SYMPK: variants seen among roughly 807,000 people sequenced by gnomAD.
SYMPK encodes the protein symplekin.
Under a neutral mutation model 136.4 loss-of-function variants are expected in SYMPK, and 49 were observed. That is an observed-to-expected ratio of 0.36 (90% confidence interval 0.29 to 0.46). SYMPK has a LOEUF of 0.46. Ranked by LOEUF, SYMPK falls within the 20% of genes least tolerant of loss-of-function variation. The pLI, the probability that SYMPK is intolerant of heterozygous loss-of-function variation, is 1.00. For missense variants in SYMPK, 1,365 were observed against 1,690.0 expected, an observed-to-expected ratio of 0.81 and a Z score of 3.37; for synonymous variants, 766 against 713.0, an observed-to-expected ratio of 1.07 and a Z score of -1.19.
In SYMPK at chr19:45,821,417, A is replaced by C; in HGVS notation, c.2860T>G (p.Ser954Ala). 1 of 1,613,926 alleles carries C rather than the reference A, an allele frequency of 6.2e-7. No individual in the cohort carries two copies. The highest frequency in any genetic ancestry group is 8.5e-7 in the Non-Finnish European group (1 of 1,179,988). ...ATGGATTTCATGTCGCACTTCACGG[A>C]GTCAATGTTGTGTAATGCGATCAGG... The part of the protein sequence containing the change: ...ELLIALHNID[S>A]VKCDMKSIIK... The change falls in exon 22 of 27, where the codon TCC (serine) becomes GCC (alanine). Residue 954 changes from serine to alanine, a missense_variant. Coordinates refer to ENST00000245934, the MANE Select transcript of SYMPK (RefSeq NM_004819.3). This position sits in a 1 kb window ranked among gnomAD's most constrained non-coding sequence, Gnocchi z 4.4.
At chr19:45,831,857 TG>T (rs1190642066) in intron 11 of SYMPK, among the ~76,000 whole-genome samples, 1 of 151,592 alleles carries the variant, frequency 6.6e-6, no homozygotes, top group Non-Finnish European at 1.5e-5. Flanking sequence ...TTTTTTAGAC[TG>T]GGTGTCACTC....
At chr19:45,857,409 C>CAA (rs1161033225) in intron 1 of SYMPK, among the ~76,000 whole-genome samples, 534 of 42,864 alleles carry the variant, frequency 0.012, 2 homozygotes, top group Non-Finnish European at 0.015. Flanking sequence ...GACTCTGTCT[C>CAA]AAAAAAAAAA....
chr19:45,847,972 C>T lies in SYMPK; in HGVS notation c.456G>A (p.Glu152=). The T allele has an allele frequency of 6.2e-7, 1 of 1,603,628 alleles. No homozygotes were observed. Among genetic ancestry groups the T allele is most frequent in the South Asian group, 1.1e-5 (1 of 89,738 alleles). The change falls in exon 7 of 27, where the codon GAG becomes GAA. Residue 152 remains glutamate, a synonymous_variant. Transcript: ENST00000245934. ...QWMVKSRVIS[E]LQEACWDMVS... ...CCATGTCCCAGCAGGCCTCCTGTAG[C>T]TCGCTAATGACCCGTGACTTTACCA...
rs760011640 is a variant in SYMPK at position 45,854,164 on chromosome 19, C to T, written c.171+11G>A. 25 of 1,613,796 alleles carry T rather than the reference C, an allele frequency of 1.5e-5. No individual in the cohort carries two copies. The highest frequency in any genetic ancestry group is 3.3e-4 in the Middle Eastern group (2 of 6,082). ...CACCTGCTCAGCCCAGGATGCCCCCCGGGCCCTCACCTGTTTGAGCACTGT... is the reference window on the plus strand; with the variant it reads ...CACCTGCTCAGCCCAGGATGCCCCCTGGGCCCTCACCTGTTTGAGCACTGT... On this transcript the variant is annotated intron_variant, in intron 3 of 26. Transcript: ENST00000245934.
In SYMPK at chr19:45,816,993, G is replaced by A; in HGVS notation, c.3082-19C>T. Reference sequence around the variant, plus strand: ...TCCACACCTGAACCAGGGAGGGAGGGAGCCGTCGGGAGAGGCACACAGGCA... The same window carrying A: ...TCCACACCTGAACCAGGGAGGGAGGAAGCCGTCGGGAGAGGCACACAGGCA... On this transcript the variant is annotated intron_variant, in intron 23 of 26. Transcript: ENST00000245934. 3.9e-6 allele frequency: 6 copies of A among 1,551,654 alleles called. No individual in the cohort carries two copies. The highest frequency in any genetic ancestry group is 1.2e-5 in the South Asian group (1 of 84,030).
intron 11 of SYMPK, 95 bp downstream of exon 11, chr19:45,834,983 T>A (rs573028728): frequency 8.0e-7 from 1 of 1,249,816 alleles, no homozygotes; most frequent in African/African-American, 1.5e-5. Context: ...CACATGATTT[T>A]CAACTGCACC....
Position 45,833,576 on chromosome 19 carries a change from C to T in SYMPK, c.1393+1502G>A, listed in dbSNP as rs144906927. 5.9e-3 allele frequency among the ~76,000 whole-genome samples: 893 copies of T among 152,238 alleles called. 9 individuals are homozygous for T. Among genetic ancestry groups the T allele is most frequent in the African/African-American group, 0.019 (795 of 41,540 alleles). On this transcript the variant is annotated intron_variant, in intron 11 of 26. Coordinates refer to ENST00000245934, the MANE Select transcript of SYMPK (RefSeq NM_004819.3). Reference sequence around the variant, plus strand: ...GAGATCGTGCCATTGCACTGCACTCCAGCCTGGGCAACAGAGTGAGAATCT... The same window carrying T: ...GAGATCGTGCCATTGCACTGCACTCTAGCCTGGGCAACAGAGTGAGAATCT...
At chr19:45,834,801 C>G (rs934943444) in intron 11 of SYMPK, among the ~76,000 whole-genome samples, 1 of 152,194 alleles carries the variant, frequency 6.6e-6, no homozygotes, top group African/African-American at 2.4e-5. Flanking sequence ...CAGGGTAAAA[C>G]TATGAAGCTC....
intron 10 of SYMPK, among the ~76,000 whole-genome samples, chr19:45,835,917 T>G (rs1418020115): frequency 2.7e-5 from 4 of 147,804 alleles, no homozygotes; most frequent in African/African-American, 1.0e-4. Context: ...ATCTCATTCA[T>G]AAAGAAAGAA....
chr19:45,816,064 C>G lies in SYMPK; in HGVS notation c.3474G>C (p.Lys1158Asn). The G allele has an allele frequency of 6.4e-7, 1 of 1,562,348 alleles. No homozygotes were observed. The highest frequency in any genetic ancestry group is 8.7e-7 in the Non-Finnish European group (1 of 1,153,316). ...ALKRQLEEEQ[K>N]LKPGGVGAPS... Reference sequence around the variant, plus strand: ...GGGCTCCCACTCCTCCCGGCTTCAGCTTCTGTTCCTCCTCCAGCTGCCGCT... The same window carrying G: ...GGGCTCCCACTCCTCCCGGCTTCAGGTTCTGTTCCTCCTCCAGCTGCCGCT... Residue 1158 changes from lysine (K) to asparagine (N), a missense_variant, in exon 26 of 27, where the codon AAG becomes AAC. Lys to Asn is a moderately conservative substitution (Grantham distance 94, BLOSUM62 0). Around this residue, in one of 11 missense-constraint regions of SYMPK, gnomAD observed 341 missense variants for 270.5 expected, o/e 1.26. Coordinates refer to ENST00000245934, the MANE Select transcript of SYMPK (RefSeq NM_004819.3).
chr19:45,820,839 C>G, intron 22 of SYMPK: 1 of 435,186 alleles, frequency 2.3e-6, no homozygotes, highest in African/African-American at 2.1e-5. Context: ...AACATACCCA[C>G]CAAGTGGCGG....
At chr19:45,848,060 A>G in intron 6 of SYMPK, 59 bp from the exon 7 acceptor site, 2 of 1,523,176 alleles carry the variant, frequency 1.3e-6, no homozygotes, top group South Asian at 1.3e-5. Flanking sequence ...ACAACGCATC[A>G]ATCACCAACA....
At position 45,842,384 on chromosome 19, in the gene SYMPK, T is replaced by C; in HGVS notation, c.953A>G (p.Gln318Arg). The C allele has an allele frequency of 6.2e-7, 1 of 1,614,194 alleles. No homozygotes were observed. Among genetic ancestry groups the C allele is most frequent in the Non-Finnish European group, 8.5e-7 (1 of 1,180,020 alleles). Residue 318 changes from glutamine to arginine, a missense_variant, in exon 9 of 27, where the codon CAG (glutamine) becomes CGG (arginine). By Grantham distance (43) the Gln-to-Arg change is conservative. This residue lies in a region of SYMPK where 111 missense variants were observed against 141.2 expected (regional missense o/e 0.79). Transcript: ENST00000245934. ...VLKHPASLEF[Q>R]AQITTLLVDL... is the part of the protein sequence containing the mutation. ...CACCAGCAGGGTGGTGATCTGGGCC[T>C]GGAACTCCAAGGAAGCCGGGTGCTT...
At chr19:45,829,985 C>G in intron 13 of SYMPK, 69 bp downstream of exon 13, 1 of 1,485,730 alleles carries the variant, frequency 6.7e-7, no homozygotes, top group Non-Finnish European at 9.0e-7. Flanking sequence ...CCAGACTCTT[C>G]GCTGGATGTG....
In SYMPK at chr19:45,859,953, T is replaced by TAA. The variant is rs61203536; in HGVS notation, c.-13+3103_-13+3104dup. Among the ~76,000 whole-genome samples the TAA allele has an allele frequency of 1.4e-4, 12 of 85,660 alleles. 1 individual carries two copies. The highest frequency in any genetic ancestry group is 4.1e-4 in the South Asian group (1 of 2,430). The allele number at this position is 85,660 out of a possible 152,430, so 56.2% of individuals were successfully genotyped here. A position where few individuals can be genotyped will look rare whatever the true frequency, so the allele number is the denominator to read the frequency against. On this transcript the variant is annotated intron_variant, in intron 1 of 26. Coordinates refer to ENST00000245934, the MANE Select transcript of SYMPK (RefSeq NM_004819.3). ...CTGGGAGACACGGTAAGACTCCATC[T>TAA]AAAAAAAAAAAAAAAAAAAAAAAAA... is the stretch of plus-strand genomic sequence containing the variant.
rs564463280 is a variant in SYMPK at position 45,856,732 on chromosome 19, G to A, written c.-12-2225C>T. Among the ~76,000 whole-genome samples, 6 of 152,218 alleles carry A rather than the reference G, an allele frequency of 3.9e-5. No homozygotes were observed. The South Asian group carries it at 1.0e-3, about 26-fold the overall frequency. On this transcript the variant is annotated intron_variant, in intron 1 of 26. Coordinates refer to ENST00000245934, the MANE Select transcript of SYMPK (RefSeq NM_004819.3). ...CCAGGATTTTGGGAGGCTAAGGTGG[G>A]AGGATCAATTGAGCTCAGGAGGTGG...
At chr19:45,861,698 C>T (rs767134157) in intron 1 of SYMPK, among the ~76,000 whole-genome samples, 140 of 151,340 alleles carry the variant, frequency 9.3e-4, no homozygotes, top group Admixed American at 2.0e-3. Flanking sequence ...GATCACGCCA[C>T]TGCACTCCAG....
At chr19:45,859,903 C>T (rs976149245) in intron 1 of SYMPK, among the ~76,000 whole-genome samples, 1 of 135,334 alleles carries the variant, frequency 7.4e-6, no homozygotes, top group East Asian at 2.3e-4. Flanking sequence ...AGCTGGGCAT[C>T]GATATCATGC....
At chr19:45,827,782 C>T (rs1971079735) in intron 15 of SYMPK, 55 bp downstream of exon 15, 1 of 1,579,860 alleles carries the variant, frequency 6.3e-7, no homozygotes, top group Non-Finnish European at 8.7e-7. Context: ...TCAGACCCCT[C>T]AGGGCAGGGC....
Sources: gnomAD v4.1 joint callset for allele counts (sites outside exome capture counted in the v4.1 genomes callset) on GRCh38, gnomAD v4.1.1 for gene constraint, gnomAD v4.1.1 regional missense constraint, Gnocchi (gnomAD v3.1) non-coding constraint, MANE v1.5 for transcripts, NCBI Gene and HGNC (gene_info 2026-07-23, HGNC 2026-07-21) for gene names.